Variants in TENM3 observed in about 807,000 individuals in gnomAD.
The protein encoded by TENM3 is teneurin transmembrane protein 3, also known as teneurin-3.
Under a neutral mutation model 255.1 loss-of-function variants are expected in TENM3, and 63 were observed. The observed-to-expected ratio is 0.25, with a 90% CI of 0.20 to 0.30. The LOEUF (loss-of-function observed/expected upper bound fraction) is 0.30. Ranked by LOEUF, TENM3 falls within the 10% of genes least tolerant of loss-of-function variation. TENM3 has a pLI of 1.00. For missense variants in TENM3, 2,929 were observed against 3,461.1 expected, an observed-to-expected ratio of 0.85 and a Z score of 3.86; for synonymous variants, 1,306 against 1,322.3, an observed-to-expected ratio of 0.99 and a Z score of 0.27.
chr4:181,658,996 A>G, the TENM3 span, among the ~76,000 whole-genome samples: 1 of 152,182 alleles, frequency 6.6e-6, no homozygotes, highest in African/African-American at 2.4e-5. Flanking sequence ...GCTGAGCCAC[A>G]GTCCCCAAAA....
At chr4:181,730,796 T>C in the TENM3 span, among the ~76,000 whole-genome samples, 2 of 152,222 alleles carry the variant, frequency 1.3e-5, no homozygotes, top group Non-Finnish European at 2.9e-5. Flanking sequence ...ATGTGGCTAA[T>C]GCAGCTCCAA....
intron 7 of TENM3, among the ~76,000 whole-genome samples, chr4:182,679,098 T>C (rs1185364045): frequency 6.6e-6 from 1 of 151,866 alleles, no homozygotes; most frequent in Non-Finnish European, 1.5e-5. Flanking sequence ...TTAGGAGAAA[T>C]ACCTAATGTA....
chr4:181,641,550 GTGTGTATATATATATATATATATATA>G, the TENM3 span, among the ~76,000 whole-genome samples: 1,854 of 49,038 alleles, frequency 0.038, 71 homozygotes, highest in Middle Eastern at 0.1. Flanking sequence ...TCCATGGTGT[GTGTGTATATATATATATATATATATA>G]TATATATATA....
intron 1 of TENM3, among the ~76,000 whole-genome samples, chr4:182,264,027 A>G (rs1164360148): frequency 4.6e-5 from 7 of 152,214 alleles, no homozygotes; most frequent in Non-Finnish European, 7.3e-5. Context: ...AAGGGAACCC[A>G]GAAGCCTGGC....
the TENM3 span, among the ~76,000 whole-genome samples, chr4:181,886,536 T>A: frequency 1.3e-5 from 2 of 152,176 alleles, no homozygotes; most frequent in African/African-American, 4.8e-5. Context: ...TTCTCTGGAT[T>A]CTCTATTTCA....
intron 3 of TENM3, among the ~76,000 whole-genome samples, chr4:182,591,439 A>G (rs1044954854): frequency 1.3e-5 from 2 of 152,196 alleles, no homozygotes; most frequent in African/African-American, 4.8e-5. Context: ...CCTTTTATTT[A>G]TCACCAGGGC....
At chr4:182,254,050 A>C (rs1463855269) in intron 1 of TENM3, among the ~76,000 whole-genome samples, 1 of 152,100 alleles carries the variant, frequency 6.6e-6, no homozygotes, top group Non-Finnish European at 1.5e-5. Context: ...TTTCCTACAG[A>C]AAAGGATGTT....
the TENM3 span, among the ~76,000 whole-genome samples, chr4:181,676,456 A>C: frequency 6.6e-6 from 1 of 152,058 alleles, no homozygotes; most frequent in Non-Finnish European, 1.5e-5. Flanking sequence ...GGTTTGGAAT[A>C]CAAATGGTCC....
chr4:182,127,726 T>C, the TENM3 span, among the ~76,000 whole-genome samples: 1 of 152,154 alleles, frequency 6.6e-6, no homozygotes, highest in Admixed American at 6.5e-5. Context: ...TGAAAGACTC[T>C]TTTTCAAAAA....
chr4:181,663,212 A>C, the TENM3 span, among the ~76,000 whole-genome samples: 10 of 152,244 alleles, frequency 6.6e-5, no homozygotes, highest in African/African-American at 2.4e-4. Flanking sequence ...GCAATATTCC[A>C]TGTGGAACTC....
At chr4:182,380,179 G>C (rs1190489333) in intron 3 of TENM3, among the ~76,000 whole-genome samples, 1 of 152,232 alleles carries the variant, frequency 6.6e-6, no homozygotes, top group Non-Finnish European at 1.5e-5. Context: ...GCTGAGGCAT[G>C]AGAATCACTT....
At chr4:182,666,166 T>C (rs766026869) in intron 6 of TENM3, among the ~76,000 whole-genome samples, 53 of 152,326 alleles carry the variant, frequency 3.5e-4, no homozygotes, top group Non-Finnish European at 6.9e-4. Context: ...CGAGGAGTTG[T>C]TCTTATGGAT....
chr4:182,511,621 C>T (rs1360054235), intron 3 of TENM3, among the ~76,000 whole-genome samples: 1 of 152,118 alleles, frequency 6.6e-6, no homozygotes, highest in Non-Finnish European at 1.5e-5. Context: ...GTTCTCTCTC[C>T]TTTCATCAGT....
At chr4:181,715,504 G>A in the TENM3 span, among the ~76,000 whole-genome samples, 2 of 152,058 alleles carry the variant, frequency 1.3e-5, no homozygotes, top group Non-Finnish European at 2.9e-5. Flanking sequence ...TACTTTTATG[G>A]AAAAAATCCA....
the TENM3 span, among the ~76,000 whole-genome samples, chr4:181,474,647 AT>A: frequency 1.3e-5 from 2 of 151,216 alleles, no homozygotes; most frequent in Non-Finnish European, 2.9e-5. Context: ...AGGCAGGAGA[AT>A]TGCTTGAACC....
rs546316447 is a variant in TENM3, at chr4:182,677,076, T to C, written c.1327-2590T>C. ...CATTTGCCCTTAAGTGACCACTTTA[T>C]GCCCTAAGAACAAAGATTATTAAGT... On this transcript the variant is annotated intron_variant, in intron 7 of 27. Transcript: ENST00000511685. Among the ~76,000 whole-genome samples the C allele has an allele frequency of 2.0e-5, 3 of 152,362 alleles. No individual in the cohort carries two copies. The South Asian group carries it at 6.2e-4, about 32-fold the overall frequency.
At chr4:182,577,324 C>G (rs1319921985) in intron 3 of TENM3, among the ~76,000 whole-genome samples, 1 of 152,122 alleles carries the variant, frequency 6.6e-6, no homozygotes, top group Non-Finnish European at 1.5e-5. Flanking sequence ...TTGACTCATA[C>G]TGGAATTCCT....
At chr4:181,631,049 G>A in the TENM3 span, among the ~76,000 whole-genome samples, 3 of 152,272 alleles carry the variant, frequency 2.0e-5, no homozygotes, top group South Asian at 6.2e-4. Flanking sequence ...AAATCAAAGA[G>A]TTAGCCAGCT....
At chr4:181,512,191 G>T in the TENM3 span, among the ~76,000 whole-genome samples, 1 of 151,996 alleles carries the variant, frequency 6.6e-6, no homozygotes. Context: ...TCCAGGCTGT[G>T]GTCCCCAGTC....
Sources: gnomAD v4.1 joint callset for allele counts (sites outside exome capture counted in the v4.1 genomes callset) on GRCh38, gnomAD v4.1.1 for gene constraint, MANE v1.5 for transcripts, NCBI Gene and HGNC (gene_info 2026-07-23, HGNC 2026-07-21) for gene names.